The following IFRD1 variants were observed in gnomAD, a reference collection of about 807,000 sequenced individuals.
IFRD1 encodes interferon-related developmental regulator 1.
A neutral mutation model predicts 52.9 loss-of-function variants in IFRD1; 35 were observed. The ratio of observed to expected loss-of-function variants is 0.66; its 90% CI spans 0.51 to 0.88. The LOEUF is 0.88. Among genes scored for constraint, IFRD1 ranks in the 40% least tolerant of loss-of-function variants. The pLI, the probability that IFRD1 is intolerant of heterozygous loss-of-function variation, is 0.00. For synonymous variants in IFRD1, 184 were observed against 188.4 expected, an observed-to-expected ratio of 0.98 and a Z score of 0.19; for missense variants, 517 against 550.8, an observed-to-expected ratio of 0.94 and a Z score of 0.61.
chr7:112,475,602 C>T lies in IFRD1; in HGVS notation c.*83C>T. 2 of 842,970 alleles carry T rather than the reference C, an allele frequency of 2.4e-6. No homozygotes were observed. Among genetic ancestry groups the T allele is most frequent in the South Asian group, 3.0e-5 (2 of 67,386 alleles). The allele number at this position is 842,970 out of a possible 1,614,324, so 52.2% of individuals were successfully genotyped here. ...TTTAAACTCTAGACACAGTTTTTAT[C>T]CTGGATTAACTTAGATAACTTTTGT... On this transcript the variant is annotated 3_prime_UTR_variant, in exon 12 of 12. Transcript: ENST00000403825.
Position 112,433,410 on chromosome 7 carries a change from C to T in IFRD1, c.-182+9978C>T, listed in dbSNP as rs1056631690. ...CCAGATGAGCCAGTTTATCCATCTG[C>T]GTGGTGCCAGCTGATCCACTGAGTA... On this transcript the variant is annotated intron_variant, in intron 1 of 12. Coordinates refer to the IFRD1 transcript ENST00000005558. Among the ~76,000 whole-genome samples the T allele has an allele frequency of 1.3e-5, 2 of 152,178 alleles. 1 individual carries two copies. The highest frequency in any genetic ancestry group is 4.1e-4 in the South Asian group (2 of 4,832).
chr7:112,456,136 G>C (rs1207774727), intron 3 of IFRD1, 50 bp downstream of exon 3: 3 of 1,016,614 alleles, frequency 3.0e-6, no homozygotes, highest in Non-Finnish European at 4.7e-6. Context: ...CTTGATCTTA[G>C]TCAAAAGCTA....
chr7:112,464,402 G>A (rs1410270299), intron 8 of IFRD1, among the ~76,000 whole-genome samples: 1 of 152,154 alleles, frequency 6.6e-6, no homozygotes, highest in Non-Finnish European at 1.5e-5. Flanking sequence ...GTTAATGGAT[G>A]TTTGCCATAT....
intron 1 of IFRD1, among the ~76,000 whole-genome samples, chr7:112,430,338 G>A (rs115928214): frequency 0.016 from 2,405 of 152,224 alleles, 61 homozygotes; most frequent in African/African-American, 0.056. Context: ...TGTCAGTGCC[G>A]GGAATACAGC....
rs569896685 is a variant in IFRD1, at chr7:112,460,538, C to T, written c.568-1328C>T. Among the ~76,000 whole-genome samples, 3 of 152,166 alleles carry T rather than the reference C, an allele frequency of 2.0e-5. No homozygotes were observed. The Middle Eastern group carries it at 0.01, about 518-fold the overall frequency. On this transcript the variant is annotated intron_variant, in intron 5 of 11. Coordinates refer to ENST00000403825, the MANE Select transcript of IFRD1 (RefSeq NM_001550.4). ...AGATTATGGGTGTGAGCCACCGCACCCAGCCAGTCCTAGTTCTTTAATTGG... is the reference window on the plus strand; with the variant it reads ...AGATTATGGGTGTGAGCCACCGCACTCAGCCAGTCCTAGTTCTTTAATTGG...
In IFRD1 at chr7:112,462,272, A is replaced by C; in HGVS notation, c.800A>C (p.His267Pro). The C allele has an allele frequency of 1.2e-6, 2 of 1,613,338 alleles. No homozygotes were observed. Among genetic ancestry groups the C allele is most frequent in the South Asian group, 2.2e-5 (2 of 91,068 alleles). Reference protein sequence around the residue: ...INEVKKKLEMHFHKLPSLLSC... With the variant: ...INEVKKKLEMPFHKLPSLLSC... ...AGTAATGACTAACTATTTTTTAGGCATTTCCATAAGCTTCCAAGCCTCCTC... is the reference window on the plus strand; with the variant it reads ...AGTAATGACTAACTATTTTTTAGGCCTTTCCATAAGCTTCCAAGCCTCCTC... The change falls in exon 8 of 12, where the codon CAT becomes CCT. Residue 267 changes from histidine to proline, a missense_variant and splice_region_variant. Coordinates refer to ENST00000403825, the MANE Select transcript of IFRD1 (RefSeq NM_001550.4).
intron 1 of IFRD1, among the ~76,000 whole-genome samples, chr7:112,431,599 G>A (rs1393870119): frequency 6.6e-6 from 1 of 152,098 alleles, no homozygotes; most frequent in Admixed American, 6.6e-5. Context: ...TTGCAATACT[G>A]GGAGGGAAAC....
intron 8 of IFRD1, among the ~76,000 whole-genome samples, chr7:112,463,894 A>ACACC (rs1554508602): frequency 1.4e-3 from 24 of 17,580 alleles, no homozygotes; most frequent in African/African-American, 3.1e-3. Flanking sequence ...ACACACACAC[A>ACACC]CCCCACGTAT....
At chr7:112,451,753 T>G (rs1433691224) in intron 1 of IFRD1, among the ~76,000 whole-genome samples, 1 of 152,184 alleles carries the variant, frequency 6.6e-6, no homozygotes, top group Non-Finnish European at 1.5e-5. Context: ...ATAACCTGGG[T>G]AATATTTTAT....
At position 112,476,002 on chromosome 7, in the gene IFRD1, G is replaced by A. The variant is rs1795892789; in HGVS notation, c.*483G>A. 1 of 165,952 alleles carries A rather than the reference G, an allele frequency of 6.0e-6. No individual in the cohort carries two copies. Among genetic ancestry groups the A allele is most frequent in the Non-Finnish European group, 1.3e-5 (1 of 76,878 alleles). 10.3% of individuals were successfully genotyped at this position (165,952 alleles called of 1,614,324 possible). A position where few individuals can be genotyped will look rare whatever the true frequency, so the allele number is the denominator to read the frequency against. The stretch of plus-strand genomic sequence containing the variant: ...AATCCTGTCACTGGCATCAACAAAA[G>A]GAATTATACCATGAGACCTTATAGC... On this transcript the variant is annotated 3_prime_UTR_variant, in exon 12 of 12. Coordinates refer to ENST00000403825, the MANE Select transcript of IFRD1 (RefSeq NM_001550.4).
At chr7:112,443,390 A>G (rs1458059877) in intron 1 of IFRD1, among the ~76,000 whole-genome samples, 2 of 145,446 alleles carry the variant, frequency 1.4e-5, no homozygotes, top group Non-Finnish European at 3.0e-5. Flanking sequence ...CCTAGGCAAC[A>G]CAGCAAGACC....
At chr7:112,424,151 T>C (rs1045756405) in intron 1 of IFRD1, among the ~76,000 whole-genome samples, 4 of 152,142 alleles carry the variant, frequency 2.6e-5, no homozygotes, top group Non-Finnish European at 4.4e-5. Flanking sequence ...GGTGGGGGTT[T>C]ACTTGACTCA....
intron 1 of IFRD1, chr7:112,452,012 G>T (rs977226337): frequency 1.0e-6 from 1 of 983,532 alleles, no homozygotes. Flanking sequence ...CATAGGGAGG[G>T]ATTCTTAAAA....
At chr7:112,450,872 C>G (rs1358404270) in intron 1 of IFRD1, 90 bp downstream of exon 1, 10 of 882,588 alleles carry the variant, frequency 1.1e-5, no homozygotes, top group Non-Finnish European at 1.5e-5. Context: ...GTAGTTCTTT[C>G]TCTGATGTAC....
At chr7:112,440,136 C>G (rs1160433649) in intron 1 of IFRD1, among the ~76,000 whole-genome samples, 1 of 152,132 alleles carries the variant, frequency 6.6e-6, no homozygotes, top group East Asian at 1.9e-4. Context: ...CAGGCGTTCG[C>G]CACCATGCCA....
intron 1 of IFRD1, among the ~76,000 whole-genome samples, chr7:112,430,457 G>A (rs1794523678): frequency 1.3e-5 from 2 of 152,172 alleles, no homozygotes. Context: ...ACAAGCAGTA[G>A]CTAGGGAAGA....
intron 1 of IFRD1, among the ~76,000 whole-genome samples, chr7:112,455,454 C>T (rs1795266871): frequency 6.6e-6 from 1 of 151,938 alleles, no homozygotes; most frequent in South Asian, 2.1e-4. Context: ...CACTGCACTG[C>T]AGCCAGGGCG....
intron 1 of IFRD1, among the ~76,000 whole-genome samples, chr7:112,437,862 G>C (rs889719419): frequency 6.6e-6 from 1 of 152,138 alleles, no homozygotes; most frequent in Admixed American, 6.5e-5. Context: ...AGTTTCAGTA[G>C]GAAGGAGAGG....
intron 9 of IFRD1, among the ~76,000 whole-genome samples, chr7:112,471,343 C>G (rs905002788): frequency 1.3e-5 from 2 of 152,094 alleles, no homozygotes; most frequent in African/African-American, 4.8e-5. Context: ...TGTATTAAGT[C>G]TAGGGTTGAC....
Sources: gnomAD v4.1 joint callset for allele counts (sites outside exome capture counted in the v4.1 genomes callset) on GRCh38, gnomAD v4.1.1 for gene constraint, MANE v1.5 for transcripts, NCBI Gene and HGNC (gene_info 2026-07-23, HGNC 2026-07-21) for gene names.